The following ASIC2 variants were observed in gnomAD, a reference collection of about 807,000 sequenced individuals.
The protein encoded by ASIC2 is acid-sensing ion channel 2.
Under a neutral mutation model 57.3 loss-of-function variants are expected in ASIC2, and 25 were observed. That is an observed-to-expected ratio of 0.44 (90% CI 0.32 to 0.61). The LOEUF is 0.61. Ranked by LOEUF, ASIC2 falls within the 20% of genes least tolerant of loss-of-function variation. ASIC2 has a pLI of 0.06. For synonymous variants in ASIC2, 319 were observed against 307.5 expected, an observed-to-expected ratio of 1.04 and a Z score of -0.39; for missense variants, 641 against 738.1, an observed-to-expected ratio of 0.87 and a Z score of 1.52.
intron 1 of ASIC2, among the ~76,000 whole-genome samples, chr17:33,329,680 G>A (rs1431601604): frequency 6.6e-6 from 1 of 152,106 alleles, no homozygotes; most frequent in Non-Finnish European, 1.5e-5. Flanking sequence ...CAAGCCTTGG[G>A]TCTGTCCTTG....
intron 1 of ASIC2, among the ~76,000 whole-genome samples, chr17:33,391,718 C>G (rs542181969): frequency 6.6e-6 from 1 of 152,172 alleles, no homozygotes; most frequent in Non-Finnish European, 1.5e-5. Context: ...ACTGACATGT[C>G]AATGTTAATC....
intron 1 of ASIC2, among the ~76,000 whole-genome samples, chr17:33,797,126 G>A (rs1215857681): frequency 6.6e-6 from 1 of 152,192 alleles, no homozygotes; most frequent in African/African-American, 2.4e-5. Context: ...GCAGTGCCCA[G>A]TACATCAATA....
chr17:33,447,949 A>C, intron 1 of ASIC2, among the ~76,000 whole-genome samples: 1 of 150,480 alleles, frequency 6.6e-6, no homozygotes, highest in East Asian at 1.9e-4. Context: ...ACAAATATTT[A>C]AGGCAATGAA....
intron 3 of ASIC2, among the ~76,000 whole-genome samples, chr17:33,048,886 G>A (rs3025228): frequency 7.1e-4 from 108 of 152,290 alleles, no homozygotes; most frequent in African/African-American, 2.4e-3. Context: ...CTGGTCCTAC[G>A]TATTATTTTC....
chr17:33,495,934 C>T (rs1214185764), intron 1 of ASIC2, among the ~76,000 whole-genome samples: 1 of 152,080 alleles, frequency 6.6e-6, no homozygotes, highest in East Asian at 1.9e-4. Context: ...GGAAAAGCAC[C>T]GACAAAGGCC....
At chr17:34,090,812 G>C (rs1325716672) in intron 1 of ASIC2, among the ~76,000 whole-genome samples, 1 of 152,166 alleles carries the variant, frequency 6.6e-6, no homozygotes, top group Non-Finnish European at 1.5e-5. Flanking sequence ...GAGGGGTCTT[G>C]GCTACCCAGT....
intron 1 of ASIC2, among the ~76,000 whole-genome samples, chr17:33,595,894 G>A (rs1398988950): frequency 3.3e-5 from 5 of 152,234 alleles, no homozygotes; most frequent in Non-Finnish European, 7.4e-5. Context: ...GCCTTCTCTG[G>A]GCTCTACTTA....
chr17:33,218,311 G>A (rs1405299952), intron 1 of ASIC2, among the ~76,000 whole-genome samples: 1 of 152,148 alleles, frequency 6.6e-6, no homozygotes, highest in Non-Finnish European at 1.5e-5. Flanking sequence ...GAGGTGCAGA[G>A]AATTGGGCTC....
intron 1 of ASIC2, among the ~76,000 whole-genome samples, chr17:33,844,103 T>C (rs1913514185): frequency 6.6e-6 from 1 of 152,240 alleles, no homozygotes; most frequent in Non-Finnish European, 1.5e-5. Context: ...CTGGTGTATA[T>C]GTATAACTTT....
At chr17:33,934,022 G>A (rs1156402003) in intron 1 of ASIC2, among the ~76,000 whole-genome samples, 2 of 152,168 alleles carry the variant, frequency 1.3e-5, no homozygotes, top group Admixed American at 6.5e-5. Context: ...CGACTTTCTT[G>A]TAGTTGATGT....
chr17:34,068,951 G>C (rs368590601), intron 1 of ASIC2, among the ~76,000 whole-genome samples: 1 of 152,128 alleles, frequency 6.6e-6, no homozygotes, highest in Non-Finnish European at 1.5e-5. Context: ...TAACTGGGAG[G>C]AAACAAAAGC....
chr17:33,354,387 G>T (rs1265996542), intron 1 of ASIC2, among the ~76,000 whole-genome samples: 1 of 152,082 alleles, frequency 6.6e-6, no homozygotes, highest in East Asian at 1.9e-4. Flanking sequence ...CTTCCTAACT[G>T]GTCTTCTCAC....
At chr17:33,426,243 C>T (rs1353164378) in intron 1 of ASIC2, among the ~76,000 whole-genome samples, 1 of 152,180 alleles carries the variant, frequency 6.6e-6, no homozygotes, top group Non-Finnish European at 1.5e-5. Flanking sequence ...ATAATCATAG[C>T]CAGGGCACTT....
chr17:33,051,586 T>C (rs2091976567), intron 3 of ASIC2, among the ~76,000 whole-genome samples: 1 of 152,194 alleles, frequency 6.6e-6, no homozygotes, highest in Non-Finnish European at 1.5e-5. Context: ...TGGAGTCAGA[T>C]GTCCTAAGCT....
At chr17:33,352,596 G>T (rs1234893147) in intron 1 of ASIC2, among the ~76,000 whole-genome samples, 1 of 152,142 alleles carries the variant, frequency 6.6e-6, no homozygotes, top group East Asian at 1.9e-4. Context: ...CCTTGCAATA[G>T]TCTTGACCCT....
intron 1 of ASIC2, among the ~76,000 whole-genome samples, chr17:34,128,642 C>A (rs964106876): frequency 2.0e-5 from 3 of 152,150 alleles, no homozygotes; most frequent in African/African-American, 4.8e-5. Context: ...TAGAACTGTG[C>A]GCTAGATAAG....
intron 1 of ASIC2, among the ~76,000 whole-genome samples, chr17:33,854,711 C>T (rs1913869097): frequency 6.6e-6 from 1 of 152,122 alleles, no homozygotes; most frequent in African/African-American, 2.4e-5. Flanking sequence ...TGTGGATTGC[C>T]TTAATGATGT....
Position 33,063,893 on chromosome 17 carries a change from G to A in ASIC2, c.987+24970C>T, listed in dbSNP as rs184701102. 9.3e-3 allele frequency among the ~76,000 whole-genome samples: 1,416 copies of A among 151,990 alleles called. 8 individuals carry two copies. Among genetic ancestry groups the A allele is most frequent in the Admixed American group, 0.015 (226 of 15,248 alleles). On this transcript the variant is annotated intron_variant, in intron 3 of 9. Transcript: ENST00000225823. ...CTTTTTTCTCTAAACTTCTCTTCTC[G>A]CTTCATTTCATTCATTCGATCTTCA... is the stretch of plus-strand genomic sequence containing the variant.
chr17:33,391,417 T>C (rs1909884523), intron 1 of ASIC2, among the ~76,000 whole-genome samples: 1 of 152,210 alleles, frequency 6.6e-6, no homozygotes, highest in East Asian at 1.9e-4. Flanking sequence ...ACTTTTTGAG[T>C]TCTCACCTCT....
Sources: gnomAD v4.1 joint callset for allele counts (sites outside exome capture counted in the v4.1 genomes callset) on GRCh38, gnomAD v4.1.1 for gene constraint, MANE v1.5 for transcripts, NCBI Gene and HGNC (gene_info 2026-07-23, HGNC 2026-07-21) for gene names.